Variants in CELF2 observed in about 807,000 individuals in gnomAD.
CELF2 encodes CUG triplet repeat RNA-binding protein 2.
A neutral mutation model predicts 62.6 loss-of-function variants in CELF2; 8 were observed. That is an observed-to-expected ratio of 0.13 (90% CI 0.07 to 0.23). CELF2 has a LOEUF of 0.23. Ranked by LOEUF, CELF2 falls within the 10% of genes least tolerant of loss-of-function variation. The probability of loss-of-function intolerance (pLI) is 1.00; values close to 1 mark genes in which losing one functional copy is unlikely to be tolerated. For missense variants in CELF2, 333 were observed against 671.0 expected (o/e 0.50, Z 5.56); for synonymous variants, 258 against 250.0 (o/e 1.03, Z -0.30).
At chr10:11,127,782 C>G (rs762332581) in intron 1 of CELF2, among the ~76,000 whole-genome samples, 1 of 152,084 alleles carries the variant, frequency 6.6e-6, no homozygotes, top group Non-Finnish European at 1.5e-5. Flanking sequence ...TGGATATTAG[C>G]CCTTTGTCAG....
At chr10:10,739,376 C>T in the CELF2 span, among the ~76,000 whole-genome samples, 4 of 152,070 alleles carry the variant, frequency 2.6e-5, no homozygotes, top group Non-Finnish European at 5.9e-5. Context: ...AAGTGCTAAT[C>T]AATGATCAGT....
At chr10:10,900,229 T>A (rs150023089) in intron 1 of CELF2, among the ~76,000 whole-genome samples, 205 of 152,306 alleles carry the variant, frequency 1.3e-3, no homozygotes, top group East Asian at 4.1e-3. Flanking sequence ...ATTCATTCTA[T>A]GAGACAAGCA....
At chr10:11,022,649 C>T (rs575597910) in intron 1 of CELF2, among the ~76,000 whole-genome samples, 1 of 152,190 alleles carries the variant, frequency 6.6e-6, no homozygotes, top group South Asian at 2.1e-4. Flanking sequence ...CTCTTTACCC[C>T]TTCCTTACTT....
At chr10:11,202,951 CTG>C (rs3055302) in intron 2 of CELF2, among the ~76,000 whole-genome samples, 3,061 of 53,196 alleles carry the variant, frequency 0.058, 152 homozygotes, top group Middle Eastern at 0.074. Flanking sequence ...CTCTCTCTCT[CTG>C]TGTGTGTGTG....
At chr10:10,772,106 AG>A in the CELF2 span, among the ~76,000 whole-genome samples, 1 of 152,134 alleles carries the variant, frequency 6.6e-6, no homozygotes, top group Admixed American at 6.6e-5. Flanking sequence ...TTTGATTTAG[AG>A]GAAAAAAAAG....
chr10:11,023,597 C>T (rs1342424355), intron 1 of CELF2, among the ~76,000 whole-genome samples: 1 of 152,170 alleles, frequency 6.6e-6, no homozygotes, highest in Non-Finnish European at 1.5e-5. Flanking sequence ...TTAGTGAGAG[C>T]TTTAGACTCC....
the CELF2 span, among the ~76,000 whole-genome samples, chr10:10,745,044 C>A: frequency 6.6e-6 from 1 of 150,928 alleles, no homozygotes. Flanking sequence ...TTATTCCTGC[C>A]GGAAACGTTT....
At chr10:10,469,794 G>A in the CELF2 span, among the ~76,000 whole-genome samples, 3 of 151,730 alleles carry the variant, frequency 2.0e-5, no homozygotes, top group Non-Finnish European at 4.4e-5. Flanking sequence ...CTTGTGGGGA[G>A]ACTTTTAATT....
intron 1 of CELF2, among the ~76,000 whole-genome samples, chr10:11,070,129 A>AAAAAAT: frequency 6.6e-6 from 1 of 151,890 alleles, no homozygotes; most frequent in Middle Eastern, 3.4e-3. Context: ...CAAAAAGTAA[A>AAAAAAT]AAAATAAAAG....
chr10:11,064,928 G>C (rs1439371973), intron 1 of CELF2, among the ~76,000 whole-genome samples: 4 of 152,168 alleles, frequency 2.6e-5, no homozygotes, highest in African/African-American at 9.7e-5. Flanking sequence ...TGCAGGCCCA[G>C]TCTCCATTTC....
the CELF2 span, among the ~76,000 whole-genome samples, chr10:10,578,046 G>A: frequency 2.3e-3 from 356 of 152,224 alleles, 1 homozygote; most frequent in Non-Finnish European, 3.9e-3. Context: ...TTTAATGATC[G>A]CCATTCTAAC....
intron 2 of CELF2, among the ~76,000 whole-genome samples, chr10:10,980,886 A>G (rs1012043354): frequency 2.0e-5 from 3 of 151,948 alleles, no homozygotes; most frequent in African/African-American, 4.8e-5. Flanking sequence ...CTCCCATTGT[A>G]CTGTGATTGC....
chr10:11,224,213 A>C lies in CELF2; in HGVS notation c.354+6706A>C, dbSNP rs1022123416. On this transcript the variant is annotated intron_variant, in intron 3 of 12. Transcript: ENST00000633077. The surrounding 1 kb of genome is among the most constrained non-coding windows in gnomAD (Gnocchi z 4.5). Reference sequence around the variant, plus strand: ...CAATGTTTAGTTTTGCAAACAACGTAGTCTCAGCTATATCCCTAATTAATA... The same window carrying C: ...CAATGTTTAGTTTTGCAAACAACGTCGTCTCAGCTATATCCCTAATTAATA... Among the ~76,000 whole-genome samples, 11 of 152,334 alleles carry C rather than the reference A, an allele frequency of 7.2e-5. No individual in the cohort carries two copies. In the East Asian group the frequency reaches 1.9e-3, roughly 27 times the overall value.
chr10:11,261,230 C>T (rs1590065912), intron 5 of CELF2, among the ~76,000 whole-genome samples: 1 of 152,176 alleles, frequency 6.6e-6, no homozygotes, highest in African/African-American at 2.4e-5. Context: ...GTCTAGCTGG[C>T]TCCTGCGGAT....
chr10:10,600,968 A>G, the CELF2 span, among the ~76,000 whole-genome samples: 1 of 152,180 alleles, frequency 6.6e-6, no homozygotes, highest in Admixed American at 6.5e-5. Flanking sequence ...CATCATTTGC[A>G]TCCAGAAAGT....
At chr10:10,870,621 C>T (rs2060677306) in intron 1 of CELF2, among the ~76,000 whole-genome samples, 1 of 152,110 alleles carries the variant, frequency 6.6e-6, no homozygotes, top group African/African-American at 2.4e-5. Flanking sequence ...AGAATTAGGA[C>T]CAAAAATGGG....
chr10:10,579,068 T>C, the CELF2 span, among the ~76,000 whole-genome samples: 1 of 151,544 alleles, frequency 6.6e-6, no homozygotes, highest in African/African-American at 2.4e-5. Context: ...ACAAAACATG[T>C]TTTTGTTCTC....
At chr10:11,210,558 A>G (rs891023859) in intron 2 of CELF2, among the ~76,000 whole-genome samples, 1 of 152,266 alleles carries the variant, frequency 6.6e-6, no homozygotes, top group Admixed American at 6.5e-5. Flanking sequence ...AGAAGATATT[A>G]CTGAAGGGTG....
chr10:11,284,889 T>C (rs554829889), intron 8 of CELF2, among the ~76,000 whole-genome samples: 36 of 147,638 alleles, frequency 2.4e-4, no homozygotes, highest in African/African-American at 8.7e-4. Context: ...GGTAGATGTG[T>C]GGGTGGATGG....
Sources: gnomAD v4.1 joint callset for allele counts (sites outside exome capture counted in the v4.1 genomes callset) on GRCh38, gnomAD v4.1.1 for gene constraint, Gnocchi (gnomAD v3.1) non-coding constraint, MANE v1.5 for transcripts, NCBI Gene and HGNC (gene_info 2026-07-23, HGNC 2026-07-21) for gene names.